DTNA: variants seen among roughly 807,000 people sequenced by gnomAD.
DTNA encodes the protein dystrophin-related protein 3.
In DTNA, 43 loss-of-function variants were observed where a neutral mutation model predicts 100.7. The ratio of observed to expected loss-of-function variants is 0.43; its 90% CI spans 0.33 to 0.55. DTNA has a LOEUF of 0.55. Ranked by LOEUF, DTNA falls within the 20% of genes least tolerant of loss-of-function variation. The pLI, the probability that DTNA is intolerant of heterozygous loss-of-function variation, is 0.04. For missense variants in DTNA, 798 were observed against 953.9 expected (o/e 0.84, Z 2.15); for synonymous variants, 349 against 347.9 (o/e 1.00, Z -0.04).
chr18:34,588,834 A>C (rs969570408), intron 1 of DTNA, among the ~76,000 whole-genome samples: 1 of 146,624 alleles, frequency 6.8e-6, no homozygotes, highest in Non-Finnish European at 1.5e-5. Context: ...CTGGTGTTCT[A>C]ATATAGTTGA....
chr18:34,662,600 T>C (rs1236921348), intron 1 of DTNA, among the ~76,000 whole-genome samples: 1 of 152,218 alleles, frequency 6.6e-6, no homozygotes, highest in East Asian at 1.9e-4. Context: ...CACAGAAGAA[T>C]TGCAGAACTA....
intron 9 of DTNA, among the ~76,000 whole-genome samples, chr18:34,822,200 T>C (rs1308081310): frequency 6.6e-6 from 1 of 152,122 alleles, no homozygotes; most frequent in Admixed American, 6.5e-5. Context: ...AAGCCAGGGG[T>C]AAATAAATCT....
chr18:34,524,980 C>A (rs2042478797), intron 1 of DTNA, among the ~76,000 whole-genome samples: 1 of 152,082 alleles, frequency 6.6e-6, no homozygotes, highest in South Asian at 2.1e-4. Flanking sequence ...TTCTAAAACC[C>A]ACTAATTCCT....
In DTNA at chr18:34,510,112, GTTTT is replaced by G. The variant is rs71379572; in HGVS notation, c.-2+16608_-2+16611del. ...GTGTGTGGTTTTTTTGGTTGTTGTT[GTTTT>G]TTTTTTTTTAAGTCTGAGCTTGGTC... On this transcript the variant is annotated intron_variant, in intron 1 of 19. Transcript: ENST00000283365. Among the ~76,000 whole-genome samples the G allele has an allele frequency of 1.1e-3, 136 of 123,556 alleles. 1 individual carries two copies. The highest frequency in any genetic ancestry group is 2.2e-3 in the Non-Finnish European group (122 of 55,114). 81.1% of individuals were successfully genotyped at this position (123,556 alleles called of 152,430 possible). A position where few individuals can be genotyped will look rare whatever the true frequency, so the allele number is the denominator to read the frequency against.
intron 3 of DTNA, 89 bp downstream of exon 3, chr18:34,766,130 A>C: frequency 7.3e-7 from 1 of 1,373,186 alleles, no homozygotes; most frequent in South Asian, 1.2e-5. Flanking sequence ...ATTCTGTTAC[A>C]AATATTGCTA....
chr18:34,598,984 A>G (rs1304170890), intron 1 of DTNA, among the ~76,000 whole-genome samples: 2 of 152,250 alleles, frequency 1.3e-5, no homozygotes, highest in Non-Finnish European at 2.9e-5. Flanking sequence ...TGGGAACCAG[A>G]GGAAGAGGAA....
At chr18:34,522,598 A>T (rs753563362) in intron 1 of DTNA, among the ~76,000 whole-genome samples, 2 of 152,136 alleles carry the variant, frequency 1.3e-5, no homozygotes, top group African/African-American at 2.4e-5. Flanking sequence ...ATGTTAACTG[A>T]TGCCTGATAT....
At chr18:34,690,146 G>A (rs2079539970) in intron 1 of DTNA, among the ~76,000 whole-genome samples, 1 of 152,178 alleles carries the variant, frequency 6.6e-6, no homozygotes, top group African/African-American at 2.4e-5. Context: ...CTTCCCAGGG[G>A]AGTGAACGGC....
At chr18:34,691,459 A>G (rs1266917313) in intron 1 of DTNA, among the ~76,000 whole-genome samples, 1 of 152,232 alleles carries the variant, frequency 6.6e-6, no homozygotes, top group African/African-American at 2.4e-5. Flanking sequence ...AACAATACCT[A>G]TAAAACAAAG....
chr18:34,825,940 A>C (rs973318523), intron 9 of DTNA, among the ~76,000 whole-genome samples: 11 of 152,246 alleles, frequency 7.2e-5, no homozygotes, highest in African/African-American at 2.7e-4. Flanking sequence ...TAATTCACAG[A>C]GGACATTTGT....
intron 1 of DTNA, among the ~76,000 whole-genome samples, chr18:34,618,093 A>G (rs1415565570): frequency 6.6e-6 from 1 of 152,142 alleles, no homozygotes; most frequent in Non-Finnish European, 1.5e-5. Context: ...TCATCTAGTG[A>G]GTAGTTCAGA....
intron 1 of DTNA, among the ~76,000 whole-genome samples, chr18:34,646,825 C>T (rs965324310): frequency 6.6e-6 from 1 of 152,098 alleles, no homozygotes; most frequent in Non-Finnish European, 1.5e-5. Context: ...AAGCAATTCT[C>T]CTGCCTCAGC....
intron 11 of DTNA, among the ~76,000 whole-genome samples, chr18:34,836,892 A>C (rs181058365): frequency 1.3e-5 from 2 of 152,120 alleles, no homozygotes; most frequent in Non-Finnish European, 2.9e-5. Flanking sequence ...AAGAATTCCA[A>C]CTATAATGTG....
At chr18:34,722,576 A>G (rs2085571523) in intron 1 of DTNA, among the ~76,000 whole-genome samples, 1 of 149,386 alleles carries the variant, frequency 6.7e-6, no homozygotes, top group African/African-American at 2.4e-5. Flanking sequence ...AAATTGTACA[A>G]ATTAATAGGT....
chr18:34,522,565 A>G (rs1373949904), intron 1 of DTNA, among the ~76,000 whole-genome samples: 1 of 152,090 alleles, frequency 6.6e-6, no homozygotes, highest in African/African-American at 2.4e-5. Flanking sequence ...GCCATTTCCT[A>G]CAGGAAGTTT....
intron 15 of DTNA, 36 bp from the exon 16 acceptor site, chr18:34,858,249 T>C: frequency 6.2e-7 from 1 of 1,602,666 alleles, no homozygotes; most frequent in Non-Finnish European, 8.5e-7. Context: ...GAAAGCTAAC[T>C]AACCTTGGTT....
intron 9 of DTNA, chr18:34,821,471 A>T (rs1253155019): frequency 4.4e-6 from 2 of 456,292 alleles, no homozygotes; most frequent in Non-Finnish European, 8.8e-6. Context: ...TTTTCTTCAA[A>T]GTATGTGTGA....
rs1277400045 is a variant in DTNA at position 34,820,826 on chromosome 18, C to A, written c.912C>A (p.Ser304Arg). Residue 304 changes from serine to arginine, a missense_variant, in exon 9 of 23, where the codon AGC (serine) becomes AGA (arginine). Physicochemically the swap from Ser to Arg is moderately radical, Grantham distance 110. Transcript: ENST00000444659. Reference protein sequence around the residue: ...SPAKKLTNALSKSLSCASSRE... With the variant: ...SPAKKLTNALRKSLSCASSRE... ...CTAAGAAGCTGACTAATGCATTAAG[C>A]AAGTCCCTGAGCTGTGCTTCCAGCC... 3 of 1,614,158 alleles carry A rather than the reference C, an allele frequency of 1.9e-6. No homozygotes were observed. The highest frequency in any genetic ancestry group is 3.3e-4 in the Middle Eastern group (2 of 6,062).
chr18:34,597,379 T>A (rs1402823), intron 1 of DTNA, among the ~76,000 whole-genome samples: 11,858 of 152,218 alleles, frequency 0.078, 576 homozygotes, highest in African/African-American at 0.12. Context: ...TTCCATTCTC[T>A]CTGCAGTTGC....
Sources: allele counts gnomAD v4.1 joint callset (sites outside exome capture counted in the v4.1 genomes callset), GRCh38; gene constraint gnomAD v4.1.1; transcripts MANE v1.5; gene names NCBI Gene and HGNC (gene_info 2026-07-23, HGNC 2026-07-21).